NUGGC: variants seen among roughly 807,000 people sequenced by gnomAD.
NUGGC encodes nuclear GTPase SLIP-GC.
Under a neutral mutation model 92.6 loss-of-function variants are expected in NUGGC, and 58 were observed. The observed-to-expected ratio is 0.63, with a 90% confidence interval of 0.51 to 0.78. The LOEUF is 0.78. Ranked by LOEUF, NUGGC falls within the 30% of genes least tolerant of loss-of-function variation. NUGGC has a pLI of 0.00. For synonymous variants in NUGGC, 376 were observed against 366.4 expected, an observed-to-expected ratio of 1.03 and a Z score of -0.30; for missense variants, 925 against 964.6, an observed-to-expected ratio of 0.96 and a Z score of 0.54.
chr8:28,065,928 G>A lies in NUGGC; in HGVS notation c.712-1197C>T, dbSNP rs575366500. Among the ~76,000 whole-genome samples, 7 of 152,244 alleles carry A rather than the reference G, an allele frequency of 4.6e-5. No individual in the cohort carries two copies. In the South Asian group the frequency reaches 6.2e-4, roughly 14 times the overall value. On this transcript the variant is annotated intron_variant, in intron 6 of 18. Coordinates refer to ENST00000413272, the MANE Select transcript of NUGGC (RefSeq NM_001010906.2). ...AGAGAGAAGCCCAGGAAAAGGCAGGGGCTTGAAAAGCCCCTTCCTACAAGA... is the reference window on the plus strand; with the variant it reads ...AGAGAGAAGCCCAGGAAAAGGCAGGAGCTTGAAAAGCCCCTTCCTACAAGA...
At chr8:28,080,264 C>T (rs569728937) in intron 1 of NUGGC, among the ~76,000 whole-genome samples, 16 of 152,284 alleles carry the variant, frequency 1.1e-4, no homozygotes, top group African/African-American at 3.8e-4. Flanking sequence ...AACTTGAAGA[C>T]ACCCTCAGAA....
intron 12 of NUGGC, among the ~76,000 whole-genome samples, chr8:28,042,811 C>A (rs1809733226): frequency 1.3e-5 from 2 of 152,200 alleles, no homozygotes; most frequent in African/African-American, 4.8e-5. Context: ...CTTTTAAATT[C>A]TATTTCAAAT....
At chr8:28,055,078 C>T (rs1810099209) in intron 10 of NUGGC, among the ~76,000 whole-genome samples, 1 of 151,460 alleles carries the variant, frequency 6.6e-6, no homozygotes, top group Admixed American at 6.6e-5. Context: ...CATGGTAAAA[C>T]CCTCTCTCTA....
chr8:28,036,365 A>C (rs970388284), intron 13 of NUGGC, among the ~76,000 whole-genome samples: 6 of 151,886 alleles, frequency 4.0e-5, no homozygotes, highest in African/African-American at 1.5e-4. Flanking sequence ...CTTTGTATGA[A>C]GAGATATCCT....
At chr8:28,031,514 A>G (rs1809417883) in intron 14 of NUGGC, 133 bp from the exon 15 acceptor site, 3 of 859,728 alleles carry the variant, frequency 3.5e-6, no homozygotes, top group Non-Finnish European at 5.4e-6. Context: ...TCAAATCCCT[A>G]TAATGTGCCA....
At chr8:28,037,512 C>T (rs538712723) in intron 13 of NUGGC, among the ~76,000 whole-genome samples, 1 of 152,232 alleles carries the variant, frequency 6.6e-6, no homozygotes, top group African/African-American at 2.4e-5. Flanking sequence ...TCTAACCTGG[C>T]CTGCGATTTC....
At chr8:28,067,398 C>T in intron 6 of NUGGC, 116 bp downstream of exon 6, 1 of 695,010 alleles carries the variant, frequency 1.4e-6, no homozygotes, top group Non-Finnish European at 2.5e-6. Context: ...ATTTGGGTAG[C>T]AACTTATTTC....
rs199622602 is a variant in NUGGC at position 28,041,143 on chromosome 8, C to T, written c.1519G>A (p.Ala507Thr). 6.3e-5 allele frequency: 102 copies of T among 1,610,198 alleles called. No individual in the cohort carries two copies. In the African/African-American group the frequency reaches 7.5e-4, roughly 12 times the overall value. The part of the protein sequence containing the change: ...EKVELLEKAI[A>T]QCFACMEQPL... ...TGCTCCATGCAGGCGAAGCACTGTG[C>T]GATGGCCTTCTCCAGCAGCTCAACC... Residue 507 changes from alanine to threonine, a missense_variant, in exon 13 of 19, where the codon GCA becomes ACA. Transcript: ENST00000413272.
intron 18 of NUGGC, among the ~76,000 whole-genome samples, chr8:28,024,829 C>T (rs907170073): frequency 2.0e-5 from 3 of 152,186 alleles, no homozygotes; most frequent in Admixed American, 6.5e-5. Flanking sequence ...GCTTCAGTGA[C>T]GCTTCCCCGC....
intron 2 of NUGGC, among the ~76,000 whole-genome samples, chr8:28,073,109 C>T (rs994156078): frequency 6.6e-6 from 1 of 151,592 alleles, no homozygotes; most frequent in South Asian, 2.1e-4. Flanking sequence ...CTCAAGCAAT[C>T]CTCCGACCTC....
intron 1 of NUGGC, among the ~76,000 whole-genome samples, chr8:28,080,328 G>T (rs1810820450): frequency 6.6e-6 from 1 of 152,168 alleles, no homozygotes. Context: ...CATTTTCACT[G>T]CATTTTTTCT....
In NUGGC at chr8:28,041,148, G is replaced by C. The variant is rs1260402027; in HGVS notation, c.1514C>G (p.Ala505Gly). 2.5e-6 allele frequency: 4 copies of C among 1,610,842 alleles called. No individual in the cohort carries two copies. Among genetic ancestry groups the C allele is most frequent in the Non-Finnish European group, 3.4e-6 (4 of 1,178,760 alleles). Reference protein sequence around the residue: ...AEEKVELLEKAIAQCFACMEQ... With the variant: ...AEEKVELLEKGIAQCFACMEQ... ...CATGCAGGCGAAGCACTGTGCGATG[G>C]CCTTCTCCAGCAGCTCAACCTTCTC... The change falls in exon 13 of 19, where the codon GCC becomes GGC. Residue 505 changes from alanine (A) to glycine (G), a missense_variant. By Grantham distance (60) the Ala-to-Gly change is moderately conservative (BLOSUM62 0). Coordinates refer to ENST00000413272, the MANE Select transcript of NUGGC (RefSeq NM_001010906.2).
chr8:28,068,081 G>A, intron 5 of NUGGC, 135 bp downstream of exon 5: 1 of 617,496 alleles, frequency 1.6e-6, no homozygotes, highest in Non-Finnish European at 2.9e-6. Flanking sequence ...AAAAGGAAGA[G>A]AAGGAAGAAG....
intron 7 of NUGGC, 28 bp downstream of exon 7, chr8:28,064,494 G>C (rs1176398592): frequency 1.9e-6 from 3 of 1,588,260 alleles, no homozygotes; most frequent in East Asian, 2.2e-5. Flanking sequence ...TTAGGGAAGA[G>C]AGAACTAAAC....
chr8:28,032,699 C>T (rs57066082), intron 14 of NUGGC, among the ~76,000 whole-genome samples: 42,355 of 141,806 alleles, frequency 0.3, 6,352 homozygotes, highest in East Asian at 0.47. Context: ...CCAGCCTGGG[C>T]GACAGAGCGA....
chr8:28,032,096 G>T (rs767594158), intron 14 of NUGGC, among the ~76,000 whole-genome samples: 8 of 152,228 alleles, frequency 5.3e-5, no homozygotes, highest in Non-Finnish European at 7.3e-5. Flanking sequence ...TACAGCACAA[G>T]GCTGCAACCA....
chr8:28,042,460 C>CAAG (rs1809723774), intron 12 of NUGGC, among the ~76,000 whole-genome samples: 2 of 152,232 alleles, frequency 1.3e-5, no homozygotes, highest in Non-Finnish European at 2.9e-5. Context: ...TGCTGTCAAT[C>CAAG]TTGTGCCCTC....
chr8:28,047,324 T>A (rs1368753337), intron 11 of NUGGC, among the ~76,000 whole-genome samples, 183 bp downstream of exon 11: 1 of 152,140 alleles, frequency 6.6e-6, no homozygotes, highest in Non-Finnish European at 1.5e-5. Context: ...CAAGAGGAAC[T>A]GTGGTCTCTG....
chr8:28,079,099 T>C (rs911897606), intron 1 of NUGGC, among the ~76,000 whole-genome samples: 1 of 152,202 alleles, frequency 6.6e-6, no homozygotes, highest in Non-Finnish European at 1.5e-5. Context: ...GATAAATAAT[T>C]GTAACTTTTC....
Sources: allele counts gnomAD v4.1 joint callset (sites outside exome capture counted in the v4.1 genomes callset), GRCh38; gene constraint gnomAD v4.1.1; transcripts MANE v1.5; gene names NCBI Gene and HGNC (gene_info 2026-07-23, HGNC 2026-07-21).